Variants in TEK observed in about 807,000 individuals in gnomAD.
TEK encodes angiopoietin-1 receptor.
Under a neutral mutation model 131.8 loss-of-function variants are expected in TEK, and 43 were observed. That is an observed-to-expected ratio of 0.33 (90% CI 0.26 to 0.42). The LOEUF (loss-of-function observed/expected upper bound fraction) is 0.42, where lower values mean the gene tolerates loss of function less well. TEK is among the 10% of genes least tolerant of loss of function. The probability of loss-of-function intolerance (pLI) is 1.00; values close to 1 mark genes in which losing one functional copy is unlikely to be tolerated. For missense variants in TEK, 1,162 were observed against 1,384.4 expected, an observed-to-expected ratio of 0.84 and a Z score of 2.55; for synonymous variants, 580 against 491.6, an observed-to-expected ratio of 1.18 and a Z score of -2.38.
intron 1 of TEK, among the ~76,000 whole-genome samples, chr9:27,124,946 C>T (rs1821934124): frequency 6.6e-6 from 1 of 152,180 alleles, no homozygotes; most frequent in Non-Finnish European, 1.5e-5. Flanking sequence ...TCTCTTCCAG[C>T]AGAAGGGCTT....
rs776229235 is a variant in TEK, at chr9:27,180,361, G to A, written c.1023G>A (p.Glu341=). The A allele has an allele frequency of 1.2e-6, 2 of 1,613,118 alleles. No individual in the cohort carries two copies. The highest frequency in any genetic ancestry group is 1.1e-5 in the South Asian group (1 of 90,982). ...CSPGWQGLQC[E]REGIQRMTPK... is the part of the protein sequence containing the mutation. Reference sequence around the variant, plus strand: ...CAGGATGGCAGGGGCTCCAGTGTGAGAGAGAAGGTAAAGCAAGGTAACACT... The same window carrying A: ...CAGGATGGCAGGGGCTCCAGTGTGAAAGAGAAGGTAAAGCAAGGTAACACT... The change falls in exon 7 of 23, where the codon GAG becomes GAA. Residue 341 remains glutamate, a synonymous_variant. Coordinates refer to ENST00000380036, the MANE Select transcript of TEK (RefSeq NM_000459.5).
chr9:27,116,478 G>A (rs917038330), intron 1 of TEK, among the ~76,000 whole-genome samples: 11 of 152,060 alleles, frequency 7.2e-5, no homozygotes, highest in Non-Finnish European at 1.5e-4. Flanking sequence ...TAGTAGAGAC[G>A]GGGCTTCACC....
chr9:27,181,134 T>G (rs1220690798), intron 7 of TEK, among the ~76,000 whole-genome samples: 2 of 152,198 alleles, frequency 1.3e-5, no homozygotes, highest in African/African-American at 4.8e-5. Flanking sequence ...CTTCTCGCAG[T>G]AGAAAATCTA....
chr9:27,126,177 T>A (rs561314059), intron 1 of TEK, among the ~76,000 whole-genome samples: 67 of 152,328 alleles, frequency 4.4e-4, no homozygotes, highest in African/African-American at 1.5e-3. Flanking sequence ...TTGGTCTCCG[T>A]GGCTGATTCA....
intron 13 of TEK, among the ~76,000 whole-genome samples, chr9:27,203,964 T>C (rs553121775): frequency 1.0e-3 from 159 of 152,342 alleles, no homozygotes; most frequent in Non-Finnish European, 1.5e-3. Context: ...CTTTGGAACA[T>C]TTTTGAAATG....
At chr9:27,137,767 C>G (rs184748572) in intron 1 of TEK, among the ~76,000 whole-genome samples, 50 of 152,266 alleles carry the variant, frequency 3.3e-4, no homozygotes, top group Non-Finnish European at 3.2e-4. Context: ...CTAAGAACAT[C>G]TTTTAGACTT....
In TEK at chr9:27,173,359, G is replaced by A. The variant is rs867378828; in HGVS notation, c.898G>A (p.Glu300Lys). The part of the protein sequence containing the change: ...ATGWKGLQCN[E>K]ACHPGFYGPD... ...AGGCTGGAAGGGTCTGCAGTGCAAT[G>A]AAGGTATGCACCAATCACACCCTTG... is the stretch of plus-strand genomic sequence containing the variant. Residue 300 changes from glutamate (E) to lysine (K), a missense_variant, in exon 6 of 23, where the codon GAA becomes AAA. By Grantham distance (56) the Glu-to-Lys change is moderately conservative. Coordinates refer to ENST00000380036, the MANE Select transcript of TEK (RefSeq NM_000459.5). 1 of 1,613,886 alleles carries A rather than the reference G, an allele frequency of 6.2e-7. No individual in the cohort carries two copies.
At chr9:27,137,379 G>T (rs993780343) in intron 1 of TEK, among the ~76,000 whole-genome samples, 3 of 151,930 alleles carry the variant, frequency 2.0e-5, no homozygotes, top group African/African-American at 7.3e-5. Flanking sequence ...ATTTTATTTG[G>T]GATTTTTGAT....
intron 1 of TEK, among the ~76,000 whole-genome samples, chr9:27,145,563 C>T (rs999928275): frequency 1.3e-5 from 2 of 152,274 alleles, no homozygotes; most frequent in Middle Eastern, 3.4e-3. Context: ...AAGCTATCAC[C>T]CTGTTTTACA....
At chr9:27,153,046 G>A (rs1823189960) in intron 1 of TEK, among the ~76,000 whole-genome samples, 1 of 152,210 alleles carries the variant, frequency 6.6e-6, no homozygotes, top group South Asian at 2.1e-4. Flanking sequence ...AAACATTTTA[G>A]AGGATTGTTA....
chr9:27,224,448 G>T (rs974142609), intron 21 of TEK, among the ~76,000 whole-genome samples: 2 of 152,058 alleles, frequency 1.3e-5, no homozygotes, highest in Non-Finnish European at 2.9e-5. Context: ...TGCAAGGCTG[G>T]TTCAACATAT....
intron 6 of TEK, among the ~76,000 whole-genome samples, chr9:27,175,418 T>C (rs1257774974): frequency 2.6e-5 from 4 of 151,898 alleles, no homozygotes; most frequent in African/African-American, 9.7e-5. Flanking sequence ...TCCAAGTCTT[T>C]GCTATTGTGA....
intron 10 of TEK, 100 bp downstream of exon 10, chr9:27,190,790 A>C (rs1824789622): frequency 6.6e-7 from 1 of 1,511,178 alleles, no homozygotes; most frequent in Admixed American, 1.7e-5. Flanking sequence ...TCAATCCTCT[A>C]CCTCAAGGTG....
chr9:27,153,519 T>C (rs1823211098), intron 1 of TEK, among the ~76,000 whole-genome samples: 2 of 152,364 alleles, frequency 1.3e-5, no homozygotes, highest in South Asian at 4.1e-4. Flanking sequence ...ACTTATAAGA[T>C]GTATGATATT....
At chr9:27,138,077 T>A (rs1822562032) in intron 1 of TEK, among the ~76,000 whole-genome samples, 1 of 152,140 alleles carries the variant, frequency 6.6e-6, no homozygotes. Context: ...TTCCTTCCGG[T>A]GGGTTCGTGG....
intron 1 of TEK, among the ~76,000 whole-genome samples, chr9:27,156,736 A>G (rs1197988074): frequency 6.6e-6 from 1 of 152,180 alleles, no homozygotes; most frequent in Non-Finnish European, 1.5e-5. Context: ...GCTGAATTTA[A>G]TGGGTATTCA....
chr9:27,200,504 A>G (rs919264433), intron 12 of TEK, among the ~76,000 whole-genome samples: 1 of 152,184 alleles, frequency 6.6e-6, no homozygotes, highest in Non-Finnish European at 1.5e-5. Flanking sequence ...TGAGATTGGC[A>G]GGGTAGGAGT....
rs1442428945 is a variant in TEK, at chr9:27,109,560, G to A, written c.-31G>A. On this transcript the variant is annotated 5_prime_UTR_variant, in exon 1 of 23. In the 5' UTR this introduces an upstream ATG that the reference lacks. Coordinates refer to ENST00000380036, the MANE Select transcript of TEK (RefSeq NM_000459.5). ...GATCCTTGGGACCTCATGCACATTT[G>A]TGGAAACTGGATGGAGAGATTTGGG... 6.2e-7 allele frequency: 1 copy of A among 1,613,714 alleles called. No homozygotes were observed. Among genetic ancestry groups the A allele is most frequent in the Non-Finnish European group, 8.5e-7 (1 of 1,179,722 alleles).
intron 21 of TEK, 113 bp downstream of exon 21, chr9:27,220,258 C>G: frequency 1.1e-6 from 1 of 879,780 alleles, no homozygotes; most frequent in Non-Finnish European, 1.9e-6. Context: ...AACACCTACA[C>G]ACAGAGATCC....
Sources: allele counts gnomAD v4.1 joint callset (sites outside exome capture counted in the v4.1 genomes callset), GRCh38; gene constraint gnomAD v4.1.1; transcripts MANE v1.5; gene names NCBI Gene and HGNC (gene_info 2026-07-23, HGNC 2026-07-21).